CDK6: variants seen among roughly 807,000 people sequenced by gnomAD.
CDK6 encodes the protein cyclin-dependent kinase 6.
CDK6 carries 6 observed loss-of-function variants against 37.1 expected under a neutral mutation model. The observed-to-expected ratio is 0.16, with a 90% CI of 0.09 to 0.32. CDK6 has a LOEUF of 0.32. Among genes scored for constraint, CDK6 ranks in the 10% least tolerant of loss-of-function variants. The probability of loss-of-function intolerance (pLI) is 1.00; values close to 1 mark genes in which losing one functional copy is unlikely to be tolerated. For synonymous variants in CDK6, 160 were observed against 161.3 expected, an observed-to-expected ratio of 0.99 and a Z score of 0.06; for missense variants, 224 against 418.9, an observed-to-expected ratio of 0.53 and a Z score of 4.06.
At chr7:92,672,226 C>CA (rs1562931233) in intron 4 of CDK6, among the ~76,000 whole-genome samples, 2 of 143,344 alleles carry the variant, frequency 1.4e-5, no homozygotes, top group African/African-American at 5.3e-5. Context: ...CACACACACA[C>CA]ACACACACAC....
chr7:92,689,881 G>C (rs182056067), intron 4 of CDK6, among the ~76,000 whole-genome samples: 23 of 152,308 alleles, frequency 1.5e-4, no homozygotes, highest in African/African-American at 5.3e-4. Flanking sequence ...CTAATGATCA[G>C]TGATGTTGAG....
intron 2 of CDK6, among the ~76,000 whole-genome samples, chr7:92,799,364 C>T (rs1480375101): frequency 2.6e-5 from 4 of 152,078 alleles, no homozygotes; most frequent in Admixed American, 6.6e-5. Flanking sequence ...TACTCCTCCC[C>T]GAAACTCTCC....
At chr7:92,618,048 G>T (rs187506625) in intron 7 of CDK6, 24 bp downstream of exon 7, 2 of 1,612,324 alleles carry the variant, frequency 1.2e-6, no homozygotes, top group Admixed American at 1.7e-5. Flanking sequence ...CAGTGCAGAC[G>T]AGCTTGACAT....
intron 4 of CDK6, among the ~76,000 whole-genome samples, chr7:92,723,119 T>C: frequency 6.6e-6 from 1 of 152,156 alleles, no homozygotes; most frequent in East Asian, 1.9e-4. Flanking sequence ...GAGGTTGCAG[T>C]GAGCTGAGAT....
chr7:92,794,334 C>T (rs1274614568), intron 2 of CDK6, among the ~76,000 whole-genome samples: 1 of 152,028 alleles, frequency 6.6e-6, no homozygotes, highest in African/African-American at 2.4e-5. Context: ...TGCCCAGCAT[C>T]CTAAAGACTG....
chr7:92,733,355 T>G (rs943844922), intron 3 of CDK6, among the ~76,000 whole-genome samples: 1 of 152,208 alleles, frequency 6.6e-6, no homozygotes, highest in Non-Finnish European at 1.5e-5. Context: ...AACGTCTTCC[T>G]GCAGGACTCC....
chr7:92,754,651 G>A (rs949214247), intron 3 of CDK6, among the ~76,000 whole-genome samples: 1 of 152,178 alleles, frequency 6.6e-6, no homozygotes, highest in Non-Finnish European at 1.5e-5. Flanking sequence ...GATAACAGCA[G>A]CTTAATTCAA....
chr7:92,776,500 G>A (rs1252746737), intron 2 of CDK6, among the ~76,000 whole-genome samples: 1 of 152,188 alleles, frequency 6.6e-6, no homozygotes, highest in Non-Finnish European at 1.5e-5. Context: ...CTTCCACAAT[G>A]GTTGAACTAA....
In CDK6 at chr7:92,611,890, A is replaced by C. The variant is rs1016297655; in HGVS notation, c.*3250T>G. 4.3e-6 allele frequency: 1 copy of C among 232,528 alleles called. No homozygotes were observed. Among genetic ancestry groups the C allele is most frequent in the African/African-American group, 2.2e-5 (1 of 45,320 alleles). 14.4% of individuals were successfully genotyped at this position (232,528 alleles called of 1,614,324 possible). On this transcript the variant is annotated 3_prime_UTR_variant, in exon 8 of 8. Coordinates refer to ENST00000424848, the MANE Select transcript of CDK6 (RefSeq NM_001145306.2). ...AGTGTGTGCTTCCTGAGAGAAAATCATGAGAATACAGGGGGCTGAAATGGC... is the reference window on the plus strand; with the variant it reads ...AGTGTGTGCTTCCTGAGAGAAAATCCTGAGAATACAGGGGGCTGAAATGGC...
In CDK6 at chr7:92,707,844, A is replaced by G. The variant is rs1278435141; in HGVS notation, c.537+17782T>C. ...TCTCTGGCCTCAAGAACATGACATT[A>G]TTCTCTTAAGAGAAACAGCCATTAT... is the stretch of plus-strand genomic sequence containing the variant. On this transcript the variant is annotated intron_variant, in intron 4 of 7. Transcript: ENST00000424848. 2.0e-5 allele frequency among the ~76,000 whole-genome samples: 3 copies of G among 152,218 alleles called. No homozygotes were observed. The East Asian group carries it at 5.8e-4, about 29-fold the overall frequency.
intron 2 of CDK6, among the ~76,000 whole-genome samples, chr7:92,808,857 C>T (rs894747301): frequency 6.6e-6 from 1 of 152,122 alleles, no homozygotes; most frequent in African/African-American, 2.4e-5. Context: ...AACAAGACTC[C>T]ATTTCAAAGC....
chr7:92,663,916 G>A (rs1246604424), intron 5 of CDK6, among the ~76,000 whole-genome samples: 2 of 152,110 alleles, frequency 1.3e-5, no homozygotes, highest in African/African-American at 2.4e-5. Flanking sequence ...CACTTTGGGA[G>A]GCCGAGGCGG....
At position 92,693,420 on chromosome 7, in the gene CDK6, C is replaced by T. The variant is rs544451298; in HGVS notation, c.538-21885G>A. On this transcript the variant is annotated intron_variant, in intron 4 of 7. Transcript: ENST00000424848. ...ATTACCTAGTAGCAAAGTGGGCTGG[C>T]GTGATCTAGAAGGTGACTCTCAGGA... Among the ~76,000 whole-genome samples the T allele has an allele frequency of 3.9e-5, 6 of 152,208 alleles. No homozygotes were observed. In the South Asian group the frequency reaches 1.0e-3, roughly 26 times the overall value.
At chr7:92,765,631 C>A (rs1285804771) in intron 3 of CDK6, among the ~76,000 whole-genome samples, 1 of 152,130 alleles carries the variant, frequency 6.6e-6, no homozygotes, top group Non-Finnish European at 1.5e-5. Flanking sequence ...AGAAGATAAA[C>A]ACCTAGTACA....
rs1585334026 is a variant in CDK6 at position 92,611,615 on chromosome 7, A to T, written c.*3525T>A. The T allele has an allele frequency of 4.4e-6, 1 of 228,806 alleles. No homozygotes were observed. Among genetic ancestry groups the T allele is most frequent in the Non-Finnish European group, 8.7e-6 (1 of 115,434 alleles). The allele number at this position is 228,806 out of a possible 1,614,324, so 14.2% of individuals were successfully genotyped here. ...TTTCTTAAACACTCACTTTAAATACATAATTTAAAGTTCAAAATGTTTGGT... is the reference window on the plus strand; with the variant it reads ...TTTCTTAAACACTCACTTTAAATACTTAATTTAAAGTTCAAAATGTTTGGT... On this transcript the variant is annotated 3_prime_UTR_variant, in exon 8 of 8. Transcript: ENST00000424848.
chr7:92,794,859 A>G (rs941185620), intron 2 of CDK6, among the ~76,000 whole-genome samples: 1 of 151,688 alleles, frequency 6.6e-6, no homozygotes, highest in Non-Finnish European at 1.5e-5. Flanking sequence ...AGGCTGAGTA[A>G]TATTCTTTTG....
intron 5 of CDK6, among the ~76,000 whole-genome samples, chr7:92,658,917 G>A (rs1796770853): frequency 6.6e-6 from 1 of 152,138 alleles, no homozygotes; most frequent in South Asian, 2.1e-4. Flanking sequence ...AGGACATATT[G>A]AGGATGATCC....
intron 2 of CDK6, among the ~76,000 whole-genome samples, chr7:92,794,100 T>C (rs1382722068): frequency 6.6e-6 from 1 of 152,164 alleles, no homozygotes; most frequent in Admixed American, 6.6e-5. Flanking sequence ...CAATGGTGTA[T>C]ATAAGATAAA....
chr7:92,685,033 C>A (rs564672476), intron 4 of CDK6, among the ~76,000 whole-genome samples: 8 of 152,174 alleles, frequency 5.3e-5, no homozygotes, highest in African/African-American at 1.4e-4. Flanking sequence ...TCTTTTATAA[C>A]ACAGTTTTGC....
Sources: allele counts gnomAD v4.1 joint callset (sites outside exome capture counted in the v4.1 genomes callset), GRCh38; gene constraint gnomAD v4.1.1; transcripts MANE v1.5; gene names NCBI Gene and HGNC (gene_info 2026-07-23, HGNC 2026-07-21).